CCL20: variants seen among roughly 807,000 people sequenced by gnomAD.
CCL20 encodes C-C motif chemokine ligand 20.
Under a neutral mutation model 10.8 loss-of-function variants are expected in CCL20, and 8 were observed. The ratio of observed to expected loss-of-function variants is 0.74; its 90% CI spans 0.44 to 1.34. CCL20 has a LOEUF of 1.34. CCL20 is among the 40% of genes most tolerant of loss of function. The pLI is 0.01. For missense variants in CCL20, 107 were observed against 117.9 expected (o/e 0.91, Z 0.43); for synonymous variants, 40 against 39.4 (o/e 1.02, Z -0.06).
chr2:227,815,414 T>C, intron 1 of CCL20, 40 bp from the exon 2 acceptor site: 1 of 979,806 alleles, frequency 1.0e-6, no homozygotes, highest in South Asian at 1.4e-5. Flanking sequence ...ATAAGTTTAT[T>C]CATGTGGATC....
intron 2 of CCL20, 130 bp from the exon 3 acceptor site, chr2:227,816,177 A>AT (rs1346072070): frequency 3.8e-6 from 2 of 525,666 alleles, no homozygotes; most frequent in Non-Finnish European, 6.8e-6. Flanking sequence ...TTTTTTGTGC[A>AT]TTTTATTTTA....
rs1559287990 is a variant in CCL20 at position 227,817,136 on chromosome 2, C to T, written c.*53C>T. 3 of 1,484,878 alleles carry T rather than the reference C, an allele frequency of 2.0e-6. No individual in the cohort carries two copies. Among genetic ancestry groups the T allele is most frequent in the Non-Finnish European group, 9.4e-7 (1 of 1,065,556 alleles). 92.0% of individuals were successfully genotyped at this position (1,484,878 alleles called of 1,614,324 possible). A position where few individuals can be genotyped will look rare whatever the true frequency, so the allele number is the denominator to read the frequency against. On this transcript the variant is annotated 3_prime_UTR_variant, in exon 4 of 4. Coordinates refer to ENST00000358813, the MANE Select transcript of CCL20 (RefSeq NM_004591.3). The stretch of plus-strand genomic sequence containing the variant: ...GGACATAGCCCAAGAACAGAAAGAA[C>T]CTTGCTGGGGTTGGAGGTTTCACTT...
rs116270349 is a variant in CCL20 at position 227,814,339 on chromosome 2, T to G, written c.76+352T>G. On this transcript the variant is annotated intron_variant, in intron 1 of 3. Transcript: ENST00000358813. ...AGAGAATCCTCCTGTGTCCCCAACT[T>G]TCGTACCTCCCAACTTAATAGTTTT... 2.8e-3 allele frequency among the ~76,000 whole-genome samples: 431 copies of G among 152,288 alleles called. 2 individuals carry two copies. The highest frequency in any genetic ancestry group is 9.7e-3 in the African/African-American group (404 of 41,570).
chr2:227,817,148 T>G lies in CCL20; in HGVS notation c.*65T>G. The G allele has an allele frequency of 7.4e-7, 1 of 1,360,440 alleles. No homozygotes were observed. The allele number at this position is 1,360,440 out of a possible 1,614,324, so 84.3% of individuals were successfully genotyped here. A position where few individuals can be genotyped will look rare whatever the true frequency, so the allele number is the denominator to read the frequency against. ...AGAACAGAAAGAACCTTGCTGGGGT[T>G]GGAGGTTTCACTTGCACATCATGGA... is the stretch of plus-strand genomic sequence containing the variant. On this transcript the variant is annotated 3_prime_UTR_variant, in exon 4 of 4. Transcript: ENST00000358813.
In CCL20 at chr2:227,817,130, A is replaced by C; in HGVS notation, c.*47A>C. 6.6e-7 allele frequency: 1 copy of C among 1,525,900 alleles called. No individual in the cohort carries two copies. Among genetic ancestry groups the C allele is most frequent in the Non-Finnish European group, 9.1e-7 (1 of 1,102,082 alleles). 94.5% of individuals were successfully genotyped at this position (1,525,900 alleles called of 1,614,324 possible). A position where few individuals can be genotyped will look rare whatever the true frequency, so the allele number is the denominator to read the frequency against. On this transcript the variant is annotated 3_prime_UTR_variant, in exon 4 of 4. Transcript: ENST00000358813. Reference sequence around the variant, plus strand: ...GGAATTGGACATAGCCCAAGAACAGAAAGAACCTTGCTGGGGTTGGAGGTT... The same window carrying C: ...GGAATTGGACATAGCCCAAGAACAGCAAGAACCTTGCTGGGGTTGGAGGTT...
chr2:227,814,129 G>T, intron 1 of CCL20, 142 bp downstream of exon 1: 1 of 718,524 alleles, frequency 1.4e-6, no homozygotes, highest in Admixed American at 2.2e-5. Context: ...TCTGCCCATG[G>T]TGGAGTGGAG....
Position 227,813,935 on chromosome 2 carries a change from C to G in CCL20, c.24C>G (p.Leu8=). Residue 8 remains leucine (L), a synonymous_variant, in exon 1 of 4, where the codon CTC becomes CTG. Coordinates refer to ENST00000358813, the MANE Select transcript of CCL20 (RefSeq NM_004591.3). ...CCATGTGCTGTACCAAGAGTTTGCT[C>G]CTGGCTGCTTTGATGTCAGTGCTGC... MCCTKSL[L]LAALMSVLLL... 1.2e-6 allele frequency: 2 copies of G among 1,614,150 alleles called. No homozygotes were observed. Among genetic ancestry groups the G allele is most frequent in the Non-Finnish European group, 1.7e-6 (2 of 1,179,990 alleles).
chr2:227,816,338 G>A lies in CCL20; in HGVS notation c.223G>A (p.Ala75Thr), dbSNP rs534991528. ...CACAAAGAAAAAGTTGTCTGTGTGC[G>A]CAAATCCAAAACAGACTTGGGTGAA... ...FHTKKKLSVC[A>T]NPKQTWVKYI... is the part of the protein sequence containing the mutation. Residue 75 changes from alanine to threonine, a missense_variant, in exon 3 of 4, where the codon GCA becomes ACA. Physicochemically the swap from Ala to Thr is moderately conservative, Grantham distance 58. Coordinates refer to ENST00000358813, the MANE Select transcript of CCL20 (RefSeq NM_004591.3). 47 of 1,610,978 alleles carry A rather than the reference G, an allele frequency of 2.9e-5. No individual in the cohort carries two copies. Among genetic ancestry groups the A allele is most frequent in the South Asian group, 9.9e-5 (9 of 90,934 alleles).
In CCL20 at chr2:227,817,305, G is replaced by A. The variant is rs1690036566; in HGVS notation, c.*222G>A. 3 of 345,326 alleles carry A rather than the reference G, an allele frequency of 8.7e-6. No homozygotes were observed. The highest frequency in any genetic ancestry group is 1.1e-5 in the Non-Finnish European group (2 of 188,784). 21.4% of individuals were successfully genotyped at this position (345,326 alleles called of 1,614,324 possible). A position where few individuals can be genotyped will look rare whatever the true frequency, so the allele number is the denominator to read the frequency against. On this transcript the variant is annotated 3_prime_UTR_variant, in exon 4 of 4. Coordinates refer to ENST00000358813, the MANE Select transcript of CCL20 (RefSeq NM_004591.3). Reference sequence around the variant, plus strand: ...ACTGTATTTTATGTTATTTATAGCTGTAGGTTTTCTGTGTTTAGCTATTTA... The same window carrying A: ...ACTGTATTTTATGTTATTTATAGCTATAGGTTTTCTGTGTTTAGCTATTTA...
intron 2 of CCL20, chr2:227,815,863 T>A: frequency 3.4e-6 from 1 of 295,656 alleles, no homozygotes; most frequent in Non-Finnish European, 6.2e-6. Flanking sequence ...TAAAGTGATA[T>A]ATTAGGAAAA....
chr2:227,815,553 A>G lies in CCL20; in HGVS notation c.176A>G (p.Asp59Gly). Reference protein sequence around the residue: ...FTRQLANEGCDINAIIFHTKK... With the variant: ...FTRQLANEGCGINAIIFHTKK... ...CGGCAGCTGGCCAATGAAGGCTGTGACATCAATGCTATCATGTAAGTTATT... is the reference window on the plus strand; with the variant it reads ...CGGCAGCTGGCCAATGAAGGCTGTGGCATCAATGCTATCATGTAAGTTATT... Residue 59 changes from aspartate (D) to glycine (G), a missense_variant, in exon 2 of 4, where the codon GAC (aspartate) becomes GGC (glycine). By Grantham distance (94) the Asp-to-Gly change is moderately conservative. Transcript: ENST00000358813. 1 of 1,576,146 alleles carries G rather than the reference A, an allele frequency of 6.3e-7. No homozygotes were observed. Among genetic ancestry groups the G allele is most frequent in the Non-Finnish European group, 8.7e-7 (1 of 1,146,580 alleles).
chr2:227,816,210 T>G (rs1340968683), intron 2 of CCL20, 97 bp from the exon 3 acceptor site: 1 of 645,902 alleles, frequency 1.5e-6, no homozygotes, highest in Non-Finnish European at 2.7e-6. Flanking sequence ...AAATGTTTAG[T>G]GTGTAATCAA....
Position 227,816,265 on chromosome 2 carries a change from G to T in CCL20, c.192-42G>T, listed in dbSNP as rs1398823056. 8.5e-6 allele frequency: 10 copies of T among 1,183,176 alleles called. 1 individual carries two copies. The highest frequency in any genetic ancestry group is 1.1e-5 in the Non-Finnish European group (9 of 791,488). 73.3% of individuals were successfully genotyped at this position (1,183,176 alleles called of 1,614,324 possible). ...TTGTATGTTCTATGAAAAACCCATT[G>T]AAAAGCTCATTAAACACAAATCAAA... On this transcript the variant is annotated intron_variant, in intron 2 of 3. Transcript: ENST00000358813.
Position 227,813,876 on chromosome 2 carries a change from C to CTG in CCL20, c.-36_-35insTG. ...CAGCACTCCCAAAGAACTGGGTACTCAACACTGAGCAGATCTGTTCTTTGA... is the reference window on the plus strand; with the variant it reads ...CAGCACTCCCAAAGAACTGGGTACTCTGAACACTGAGCAGATCTGTTCTTTGA... On this transcript the variant is annotated 5_prime_UTR_variant, in exon 1 of 4. Coordinates refer to ENST00000358813, the MANE Select transcript of CCL20 (RefSeq NM_004591.3). The CTG allele has an allele frequency of 6.4e-7, 1 of 1,550,992 alleles. No individual in the cohort carries two copies. The highest frequency in any genetic ancestry group is 2.2e-5 in the East Asian group (1 of 44,562).
intron 1 of CCL20, 88 bp from the exon 2 acceptor site, chr2:227,815,366 T>C (rs1690008401): frequency 4.4e-6 from 3 of 677,170 alleles, no homozygotes; most frequent in South Asian, 3.8e-5. Context: ...CACTAGATTT[T>C]TCACAACTTA....
At position 227,813,974 on chromosome 2, in the gene CCL20, C is replaced by T. The variant is rs767339095; in HGVS notation, c.63C>T (p.Cys21=). 18 of 1,613,458 alleles carry T rather than the reference C, an allele frequency of 1.1e-5. No individual in the cohort carries two copies. The highest frequency in any genetic ancestry group is 5.0e-5 in the Admixed American group (3 of 60,010). The change falls in exon 1 of 4, where the codon TGC becomes TGT. Residue 21 remains cysteine (C), a synonymous_variant. Coordinates refer to ENST00000358813, the MANE Select transcript of CCL20 (RefSeq NM_004591.3). ...TGTCAGTGCTGCTACTCCACCTCTGCGGCGAATCAGAAGGTAAGTGTCGCT... is the reference window on the plus strand; with the variant it reads ...TGTCAGTGCTGCTACTCCACCTCTGTGGCGAATCAGAAGGTAAGTGTCGCT... The part of the protein sequence containing the change: ...ALMSVLLLHL[C]GESEAASNFD...
In CCL20 at chr2:227,817,183, G is replaced by A; in HGVS notation, c.*100G>A. The A allele has an allele frequency of 1.2e-6, 1 of 844,650 alleles. No individual in the cohort carries two copies. Among genetic ancestry groups the A allele is most frequent in the Admixed American group, 2.1e-5 (1 of 47,002 alleles). The allele number at this position is 844,650 out of a possible 1,614,324, so 52.3% of individuals were successfully genotyped here. On this transcript the variant is annotated 3_prime_UTR_variant, in exon 4 of 4. Coordinates refer to ENST00000358813, the MANE Select transcript of CCL20 (RefSeq NM_004591.3). ...ACTTGCACATCATGGAGGGTTTAGT[G>A]CTTATCTAATTTGTGCCTCACTGGA...
At chr2:227,816,775 G>A (rs1221448543) in intron 3 of CCL20, among the ~76,000 whole-genome samples, 2 of 152,218 alleles carry the variant, frequency 1.3e-5, no homozygotes, top group Non-Finnish European at 2.9e-5. Context: ...ATAATAGACA[G>A]TAACACTTTA....
chr2:227,816,526 C>T (rs1280161876), intron 3 of CCL20, 142 bp downstream of exon 3: 1 of 481,958 alleles, frequency 2.1e-6, no homozygotes, highest in Non-Finnish European at 3.7e-6. Context: ...ACCACAAAAA[C>T]AAAGAATGCA....
Sources: gnomAD v4.1 joint callset for allele counts (sites outside exome capture counted in the v4.1 genomes callset) on GRCh38, gnomAD v4.1.1 for gene constraint, MANE v1.5 for transcripts, NCBI Gene and HGNC (gene_info 2026-07-23, HGNC 2026-07-21) for gene names.